Variants in ECHDC2 observed in about 807,000 individuals in gnomAD.
ECHDC2 encodes the protein enoyl-CoA hydratase domain containing 2.
A neutral mutation model predicts 40.6 loss-of-function variants in ECHDC2; 34 were observed. The ratio of observed to expected loss-of-function variants is 0.84; its 90% CI spans 0.64 to 1.11. The LOEUF (loss-of-function observed/expected upper bound fraction) is 1.11, where lower values mean the gene tolerates loss of function less well. ECHDC2 is among the 50% of genes most tolerant of loss of function. The pLI, the probability that ECHDC2 is intolerant of heterozygous loss-of-function variation, is 0.00. For synonymous variants in ECHDC2, 162 were observed against 166.6 expected (o/e 0.97, Z 0.21); for missense variants, 392 against 400.7 (o/e 0.98, Z 0.19).
At chr1:52,900,248 C>T (rs1011474994) in intron 7 of ECHDC2, 5 of 151,992 alleles carry the variant, frequency 3.3e-5, no homozygotes, top group East Asian at 1.9e-4. Context: ...CTACTACTGC[C>T]GAGACTGGGG....
chr1:52,912,968 G>A (rs1571982790), intron 1 of ECHDC2: 1 of 152,320 alleles, frequency 6.6e-6, no homozygotes, highest in East Asian at 1.9e-4. Flanking sequence ...TTACAGGTGT[G>A]AGCCACCACA....
In ECHDC2 at chr1:52,908,063, G is replaced by C. The variant is rs1274814054; in HGVS notation, c.278-109C>G. Reference sequence around the variant, plus strand: ...GACCTGAGGACAGGCAGCCAGCGAGGAAGGAGAAACACCAGGAACCCGGGC... The same window carrying C: ...GACCTGAGGACAGGCAGCCAGCGAGCAAGGAGAAACACCAGGAACCCGGGC... On this transcript the variant is annotated intron_variant, in intron 3 of 9. Coordinates refer to ENST00000371522, the MANE Select transcript of ECHDC2 (RefSeq NM_001198961.2). The C allele has an allele frequency of 6.4e-6, 6 of 938,628 alleles. No individual in the cohort carries two copies. In the East Asian group the frequency reaches 1.6e-4, roughly 24 times the overall value. 58.1% of individuals were successfully genotyped at this position (938,628 alleles called of 1,614,324 possible).
intron 1 of ECHDC2, chr1:52,912,298 C>T (rs1407808006): frequency 6.4e-6 from 1 of 155,880 alleles, no homozygotes; most frequent in Non-Finnish European, 1.4e-5. Context: ...GCCTCAACCT[C>T]CTGGGCTCAA....
chr1:52,899,947 T>C (rs1006872544), intron 7 of ECHDC2: 1 of 150,900 alleles, frequency 6.6e-6, no homozygotes, highest in African/African-American at 2.4e-5. Context: ...ACTTCCTATA[T>C]CATATTATTT....
At chr1:52,915,709 A>G (rs1413889630) in intron 1 of ECHDC2, among the ~76,000 whole-genome samples, 3 of 152,220 alleles carry the variant, frequency 2.0e-5, no homozygotes, top group African/African-American at 7.2e-5. Context: ...TCATGTTTAC[A>G]TCCTGAATAA....
chr1:52,899,059 T>C (rs758703454), intron 8 of ECHDC2, 115 bp downstream of exon 8: 9 of 1,049,532 alleles, frequency 8.6e-6, no homozygotes, highest in African/African-American at 3.1e-5. Context: ...TCAAGTCTGT[T>C]AGAAGAGTCC....
At chr1:52,915,156 C>T in intron 1 of ECHDC2, 1 of 454,392 alleles carries the variant, frequency 2.2e-6, no homozygotes. Context: ...TAGGCTGTTT[C>T]TCCTCCTACG....
chr1:52,914,026 G>A lies in ECHDC2; in HGVS notation c.122-2236C>T. The A allele has an allele frequency of 1.6e-6, 2 of 1,215,036 alleles. No individual in the cohort carries two copies. The highest frequency in any genetic ancestry group is 2.1e-6 in the Non-Finnish European group (2 of 930,256). The allele number at this position is 1,215,036 out of a possible 1,614,324, so 75.3% of individuals were successfully genotyped here. A position where few individuals can be genotyped will look rare whatever the true frequency, so the allele number is the denominator to read the frequency against. On this transcript the variant is annotated intron_variant, in intron 1 of 9. Transcript: ENST00000371522. The surrounding 1 kb of genome is among the most constrained non-coding windows in gnomAD (Gnocchi z 4.0). ...TACATTTATATATTTGCTGTGTGCT[G>A]GCCTCTACTAGACACCGTGATTCCA... is the stretch of plus-strand genomic sequence containing the variant.
intron 8 of ECHDC2, chr1:52,898,555 T>C (rs1432973390): frequency 6.4e-6 from 1 of 155,714 alleles, no homozygotes; most frequent in East Asian, 1.9e-4. Flanking sequence ...CACATGGATA[T>C]CATAATGGAC....
Position 52,896,270 on chromosome 1 carries a change from C to T in ECHDC2, c.*250G>A. On this transcript the variant is annotated 3_prime_UTR_variant, in exon 10 of 10. Transcript: ENST00000371522. The stretch of plus-strand genomic sequence containing the variant: ...TTTATCATTCAAGTAGAGAGACAGG[C>T]ATTTTCCAAAGCAAACCCAACCCTC... 1 of 499,606 alleles carries T rather than the reference C, an allele frequency of 2.0e-6. No individual in the cohort carries two copies. The highest frequency in any genetic ancestry group is 3.5e-5 in the East Asian group (1 of 28,212). The allele number at this position is 499,606 out of a possible 1,614,324, so 30.9% of individuals were successfully genotyped here. A position where few individuals can be genotyped will look rare whatever the true frequency, so the allele number is the denominator to read the frequency against.
At position 52,906,584 on chromosome 1, in the gene ECHDC2, GC is replaced by G. The variant is rs1557493980; in HGVS notation, c.391del (p.Ala131LeufsTer11). The G allele has an allele frequency of 6.2e-7, 1 of 1,612,410 alleles. No homozygotes were observed. Among genetic ancestry groups the G allele is most frequent in the South Asian group, 1.1e-5 (1 of 90,970 alleles). On this transcript the variant is annotated frameshift_variant, in exon 5 of 10. Transcript: ENST00000371522. LOFTEE classifies it high-confidence loss of function. ...TCCGCCCAAGGCAAACCCATCCATA[GC>G]CGCAATGGTGGGTGCAGGGAAGGCT... ...IAAFPAPTIA[A>X]MDGFALGGGL...
rs1464052955 is a variant in ECHDC2 at position 52,914,763 on chromosome 1, C to T, written c.122-2973G>A. On this transcript the variant is annotated intron_variant, in intron 1 of 9. Coordinates refer to ENST00000371522, the MANE Select transcript of ECHDC2 (RefSeq NM_001198961.2). The surrounding 1 kb of genome is among the most constrained non-coding windows in gnomAD (Gnocchi z 4.0). Reference sequence around the variant, plus strand: ...TACAAAATGCACTCAGTCACTAAGGCCTGCTAATCCAACCTCTTAAAGAGA... The same window carrying T: ...TACAAAATGCACTCAGTCACTAAGGTCTGCTAATCCAACCTCTTAAAGAGA... Among the ~76,000 whole-genome samples the T allele has an allele frequency of 3.3e-5, 5 of 152,148 alleles. No homozygotes were observed. Among genetic ancestry groups the T allele is most frequent in the Non-Finnish European group, 7.4e-5 (5 of 68,014 alleles).
intron 7 of ECHDC2, chr1:52,901,641 T>C (rs1309653444): frequency 6.6e-6 from 1 of 152,228 alleles, no homozygotes; most frequent in Admixed American, 6.5e-5. Flanking sequence ...CCCAGTAACA[T>C]AGGTGGAAGT....
rs1000158891 is a variant in ECHDC2 at position 52,903,813 on chromosome 1, C to G, written c.702+833G>C. On this transcript the variant is annotated intron_variant, in intron 7 of 9. Transcript: ENST00000371522. ...CATGTCCTGTATGTTGTATTTCTTT[C>G]TTTCTTTCTTTTTTTTTTTTTTTTG... Among the ~76,000 whole-genome samples, 1,007 of 149,658 alleles carry G rather than the reference C, an allele frequency of 6.7e-3. 5 individuals are homozygous for G. Among genetic ancestry groups the G allele is most frequent in the African/African-American group, 0.023 (944 of 40,396 alleles).
intron 3 of ECHDC2, among the ~76,000 whole-genome samples, chr1:52,910,352 GTTTTTTT>G (rs869088329): frequency 0.057 from 1,825 of 32,180 alleles, 219 homozygotes; most frequent in African/African-American, 0.19. Flanking sequence ...CCACAATTTC[GTTTTTTT>G]TTTTTTTTTT....
At chr1:52,898,014 A>T in intron 8 of ECHDC2, 1 of 177,986 alleles carries the variant, frequency 5.6e-6, no homozygotes, top group Non-Finnish European at 1.2e-5. Flanking sequence ...TTCTTCCCTC[A>T]CTCTCATCTG....
chr1:52,921,680 GC>G lies in ECHDC2; in HGVS notation c.-8del, dbSNP rs1400018311. The G allele has an allele frequency of 1.9e-6, 3 of 1,554,010 alleles. No homozygotes were observed. In the East Asian group the frequency reaches 7.1e-5, roughly 37 times the overall value. ...GGCACAGAACGCGCAGCATCGGGGC[GC>G]AGGCTGGGAGTGAAGGTGCTTCTCC... On this transcript the variant is annotated 5_prime_UTR_variant, in exon 1 of 10. Transcript: ENST00000371522.
chr1:52,920,558 C>G, intron 1 of ECHDC2: 1 of 1,395,496 alleles, frequency 7.2e-7, no homozygotes, highest in Admixed American at 1.7e-5. Flanking sequence ...GGAAGGGGCC[C>G]TTGGCCACAA....
intron 1 of ECHDC2, chr1:52,921,275 C>A (rs931941030): frequency 6.5e-5 from 35 of 534,916 alleles, no homozygotes; most frequent in Non-Finnish European, 9.1e-5. Context: ...CAGTCCTACC[C>A]GTGCGGACCC....
Sources: gnomAD v4.1 joint callset for allele counts (sites outside exome capture counted in the v4.1 genomes callset) on GRCh38, gnomAD v4.1.1 for gene constraint, Gnocchi (gnomAD v3.1) non-coding constraint, MANE v1.5 for transcripts, NCBI Gene and HGNC (gene_info 2026-07-23, HGNC 2026-07-21) for gene names.